Variants in FAM181A observed in about 807,000 individuals in gnomAD.
FAM181A encodes the protein family with sequence similarity 181 member A.
FAM181A carries 7 observed loss-of-function variants against 16.3 expected under a neutral mutation model. The observed-to-expected ratio is 0.43, with a 90% confidence interval of 0.24 to 0.81. FAM181A has a LOEUF of 0.81. FAM181A is among the 30% of genes least tolerant of loss of function. The probability of loss-of-function intolerance (pLI) is 0.24; values close to 1 mark genes in which losing one functional copy is unlikely to be tolerated. For synonymous variants in FAM181A, 183 were observed against 164.9 expected, an observed-to-expected ratio of 1.11 and a Z score of -0.84; for missense variants, 349 against 377.5, an observed-to-expected ratio of 0.92 and a Z score of 0.63.
chr14:93,920,823 C>A (rs1256536741), intron 1 of FAM181A, among the ~76,000 whole-genome samples: 1 of 152,188 alleles, frequency 6.6e-6, no homozygotes, highest in Non-Finnish European at 1.5e-5. Context: ...GAACTCTTTG[C>A]CTGAACCCCA....
upstream of FAM181A, chr14:93,926,138 G>C (rs1887896572): frequency 6.5e-6 from 1 of 153,192 alleles, no homozygotes; most frequent in African/African-American, 2.4e-5. The surrounding 1 kb of genome is among the most constrained non-coding windows in gnomAD (Gnocchi z 5.2). Flanking sequence ...AAAAGGAAGG[G>C]GAAGGAGAGG....
intron 1 of FAM181A, among the ~76,000 whole-genome samples, chr14:93,921,092 A>G (rs1455574448): frequency 1.3e-5 from 2 of 152,222 alleles, no homozygotes; most frequent in East Asian, 3.8e-4. Flanking sequence ...CGATAGCACC[A>G]TATCAATACC....
rs936472845 is a variant in FAM181A at position 93,928,950 on chromosome 14, C to T, written c.665C>T (p.Pro222Leu). Residue 222 changes from proline to leucine, a missense_variant, in exon 2 of 2, where the codon CCC becomes CTC. Coordinates refer to ENST00000556222, the MANE Select transcript of FAM181A (RefSeq NM_001207073.2). Reference sequence around the variant, plus strand: ...TGCCCCTTCCAGTACCATGGACAGCCCATCTATCCGGGCCCCCTGGGGGCA... The same window carrying T: ...TGCCCCTTCCAGTACCATGGACAGCTCATCTATCCGGGCCCCCTGGGGGCA... ...SCCPFQYHGQ[P>L]IYPGPLGALP... The T allele has an allele frequency of 1.9e-6, 3 of 1,613,986 alleles. No individual in the cohort carries two copies. Among genetic ancestry groups the T allele is most frequent in the African/African-American group, 2.7e-5 (2 of 74,946 alleles).
chr14:93,927,544 T>G (rs1247885051), intron 1 of FAM181A, 90 bp downstream of exon 1: 1 of 1,284,140 alleles, frequency 7.8e-7, no homozygotes, highest in Non-Finnish European at 1.0e-6. Flanking sequence ...GTGCCGTGGG[T>G]GGCGGCCGAG....
chr14:93,919,919 A>T (rs545779016), intron 1 of FAM181A, among the ~76,000 whole-genome samples: 77 of 152,324 alleles, frequency 5.1e-4, no homozygotes, highest in Non-Finnish European at 8.8e-4. Flanking sequence ...TCAGAAAAAG[A>T]AAAGTGAAAT....
At chr14:93,918,901 C>T (rs1012870093), upstream of FAM181A, 1 of 152,224 alleles carries the variant, frequency 6.6e-6, no homozygotes, top group Non-Finnish European at 1.5e-5. Context: ...GCCAATCAAA[C>T]CCGAGATGAC....
chr14:93,928,448 C>A lies in FAM181A; in HGVS notation c.163C>A (p.Leu55Ile), dbSNP rs1196815046. The A allele has an allele frequency of 1.2e-6, 2 of 1,612,224 alleles. No homozygotes were observed. The highest frequency in any genetic ancestry group is 1.7e-6 in the Non-Finnish European group (2 of 1,178,686). The change falls in exon 2 of 2, where the codon CTC becomes ATC. Residue 55 changes from leucine to isoleucine, a missense_variant. Coordinates refer to ENST00000556222, the MANE Select transcript of FAM181A (RefSeq NM_001207073.2). ...GCGCTTCTCCCAGAAGTATTCCCGG[C>A]TCCCGCGGGGCCTTCCTGGCAGAGC... ...LKRFSQKYSR[L>I]PRGLPGRAAE... is the part of the protein sequence containing the mutation.
In FAM181A at chr14:93,928,424, C is replaced by G; in HGVS notation, c.139C>G (p.Arg47Gly). The change falls in exon 2 of 2, where the codon CGC (arginine) becomes GGC (glycine). Residue 47 changes from arginine (R) to glycine (G), a missense_variant. Coordinates refer to ENST00000556222, the MANE Select transcript of FAM181A (RefSeq NM_001207073.2). ...CAAGTACCTGCAGAAGCAGCTCAAG[C>G]GCTTCTCCCAGAAGTATTCCCGGCT... ...HRKYLQKQLK[R>G]FSQKYSRLPR... is the part of the protein sequence containing the mutation. 6.2e-7 allele frequency: 1 copy of G among 1,613,644 alleles called. No homozygotes were observed. The highest frequency in any genetic ancestry group is 1.1e-5 in the South Asian group (1 of 91,082).
intron 1 of FAM181A, among the ~76,000 whole-genome samples, chr14:93,919,562 T>G (rs927430212): frequency 6.6e-6 from 1 of 152,224 alleles, no homozygotes; most frequent in Non-Finnish European, 1.5e-5. Context: ...GCTGTTGGCA[T>G]GGATTTCGTA....
upstream of FAM181A, chr14:93,925,049 G>A (rs1362696041): frequency 7.7e-6 from 4 of 519,798 alleles, no homozygotes; most frequent in Non-Finnish European, 1.3e-5. Flanking sequence ...CTCAAAAAGT[G>A]TTTGGTGGAA....
Position 93,927,364 on chromosome 14 carries a change from A to G in FAM181A, c.-178A>G. The G allele has an allele frequency of 8.9e-7, 1 of 1,128,172 alleles. No individual in the cohort carries two copies. The highest frequency in any genetic ancestry group is 1.9e-5 in the South Asian group (1 of 53,852). 69.9% of individuals were successfully genotyped at this position (1,128,172 alleles called of 1,614,324 possible). On this transcript the variant is annotated 5_prime_UTR_variant, in exon 1 of 2. Transcript: ENST00000556222. ...GGGTTGCACAACTGCTTCCAGCCGG[A>G]CGGAGCTCGGCCGGCTGCGCCGGGG...
chr14:93,920,642 G>A (rs187142071), intron 1 of FAM181A, among the ~76,000 whole-genome samples: 2 of 152,082 alleles, frequency 1.3e-5, no homozygotes, highest in South Asian at 2.1e-4. Context: ...ATCCATTCAC[G>A]ACAAGAACTC....
At chr14:93,927,196 C>T, upstream of FAM181A, 1 of 779,442 alleles carries the variant, frequency 1.3e-6, no homozygotes, top group Non-Finnish European at 1.6e-6. Flanking sequence ...TGATGGTCCC[C>T]ATGGTGACAA....
chr14:93,928,018 C>A (rs1012334015), intron 1 of FAM181A, among the ~76,000 whole-genome samples, 181 bp from the exon 2 acceptor site: 3 of 152,154 alleles, frequency 2.0e-5, no homozygotes, highest in African/African-American at 7.2e-5. Context: ...CTGGTGCCTG[C>A]CGCATCCCAG....
At chr14:93,921,240 C>T (rs143309125) in intron 1 of FAM181A, among the ~76,000 whole-genome samples, 101 of 152,348 alleles carry the variant, frequency 6.6e-4, no homozygotes, top group African/African-American at 2.3e-3. Context: ...TGAAGCCCGT[C>T]TCCCTTTCAT....
rs774597064 is a variant in FAM181A, at chr14:93,928,540, T to G, written c.255T>G (p.Pro85=). 4.3e-6 allele frequency: 7 copies of G among 1,612,274 alleles called. No individual in the cohort carries two copies. In the African/African-American group the frequency reaches 6.7e-5, roughly 15 times the overall value. ...GGAGGCTGCTCCTGGATTTGGGCCC[T>G]GATTCCAGCCCCGGCGGGGGTGGGG... ...RPRRLLLDLG[P]DSSPGGGGGC... Residue 85 remains proline (P), a synonymous_variant, in exon 2 of 2, where the codon CCT becomes CCG. Coordinates refer to ENST00000556222, the MANE Select transcript of FAM181A (RefSeq NM_001207073.2).
At chr14:93,927,118 T>C (rs1006098161), upstream of FAM181A, 11 of 244,154 alleles carry the variant, frequency 4.5e-5, no homozygotes, top group African/African-American at 1.9e-4. Flanking sequence ...GGGTGGAGGC[T>C]GAGGAGAGTG....
upstream of FAM181A, among the ~76,000 whole-genome samples, chr14:93,926,636 T>C (rs1251599071): frequency 6.6e-6 from 1 of 152,164 alleles, no homozygotes; most frequent in Admixed American, 6.5e-5. This position sits in a 1 kb window ranked among gnomAD's most constrained non-coding sequence, Gnocchi z 5.2. Flanking sequence ...GAAGCAAACA[T>C]AAAGACAAGA....
rs1595292104 is a variant in FAM181A, at chr14:93,929,444, G to A, written c.*280G>A. The stretch of plus-strand genomic sequence containing the variant: ...CTGTGCAGACCATAGGTACTGGGAT[G>A]TTGCCCTTCCTTGCCTTGCAGTCAC... On this transcript the variant is annotated 3_prime_UTR_variant, in exon 2 of 2. Coordinates refer to ENST00000556222, the MANE Select transcript of FAM181A (RefSeq NM_001207073.2). The A allele has an allele frequency of 2.5e-5, 10 of 400,872 alleles. No individual in the cohort carries two copies. The highest frequency in any genetic ancestry group is 1.6e-4 in the African/African-American group (8 of 49,144). 24.8% of individuals were successfully genotyped at this position (400,872 alleles called of 1,614,324 possible).
Sources: gnomAD v4.1 joint callset for allele counts (sites outside exome capture counted in the v4.1 genomes callset) on GRCh38, gnomAD v4.1.1 for gene constraint, Gnocchi (gnomAD v3.1) non-coding constraint, MANE v1.5 for transcripts, NCBI Gene and HGNC (gene_info 2026-07-23, HGNC 2026-07-21) for gene names.